UBE2E2: variants seen among roughly 807,000 people sequenced by gnomAD.
UBE2E2 encodes ubiquitin conjugating enzyme E2 E2.
In UBE2E2, 6 loss-of-function variants were observed where a neutral mutation model predicts 24.7. The observed-to-expected ratio is 0.24, with a 90% confidence interval of 0.13 to 0.48. UBE2E2 has a LOEUF of 0.48. UBE2E2 is among the 20% of genes least tolerant of loss of function. UBE2E2 has a pLI of 0.99. For missense variants in UBE2E2, 169 were observed against 245.0 expected (o/e 0.69, Z 2.07); for synonymous variants, 104 against 83.6 (o/e 1.24, Z -1.33).
chr3:23,444,403 C>G (rs1259592434), intron 3 of UBE2E2, among the ~76,000 whole-genome samples: 1 of 152,158 alleles, frequency 6.6e-6, no homozygotes, highest in Admixed American at 6.5e-5. Context: ...ATAGTCAGAT[C>G]TTCAAGTTTA....
intron 3 of UBE2E2, among the ~76,000 whole-genome samples, chr3:23,340,729 G>T (rs1218880501): frequency 1.3e-5 from 2 of 152,120 alleles, no homozygotes; most frequent in African/African-American, 4.8e-5. Context: ...GTCAAAACAG[G>T]GAAGACTGAA....
rs1291730172 is a variant in UBE2E2, at chr3:23,474,479, A to G, written c.228-25129A>G. Among the ~76,000 whole-genome samples the G allele has an allele frequency of 6.6e-6, 1 of 152,140 alleles. No individual in the cohort carries two copies. The highest frequency in any genetic ancestry group is 1.5e-5 in the Non-Finnish European group (1 of 68,044). On this transcript the variant is annotated intron_variant, in intron 3 of 5. Coordinates refer to ENST00000396703, the MANE Select transcript of UBE2E2 (RefSeq NM_152653.4). This position sits in a 1 kb window ranked among gnomAD's most constrained non-coding sequence, Gnocchi z 4.0. ...AAATACACGTTATTGTACATTTCTA[A>G]TAATCTATCACAAAAAAATCATAGA...
At chr3:23,557,329 A>T (rs1371127807) in intron 5 of UBE2E2, among the ~76,000 whole-genome samples, 1 of 152,146 alleles carries the variant, frequency 6.6e-6, no homozygotes, top group Non-Finnish European at 1.5e-5. Context: ...TAGACTAAGC[A>T]CTTCTATTTT....
intron 3 of UBE2E2, among the ~76,000 whole-genome samples, chr3:23,236,773 C>T (rs934255544): frequency 1.3e-5 from 2 of 152,110 alleles, no homozygotes; most frequent in African/African-American, 2.4e-5. Context: ...TTAAACATTT[C>T]CTGTGGATGT....
intron 3 of UBE2E2, among the ~76,000 whole-genome samples, chr3:23,299,800 C>A (rs909942127): frequency 5.3e-5 from 8 of 152,066 alleles, no homozygotes; most frequent in Non-Finnish European, 1.0e-4. Context: ...TCTATTAGGT[C>A]CACTTGGTGC....
chr3:23,429,378 A>C (rs1435033795), intron 3 of UBE2E2, among the ~76,000 whole-genome samples: 2 of 152,200 alleles, frequency 1.3e-5, no homozygotes, highest in African/African-American at 4.8e-5. Context: ...AGGCGTAAAA[A>C]ATTTTAACAA....
intron 3 of UBE2E2, among the ~76,000 whole-genome samples, chr3:23,473,289 A>T (rs1382506878): frequency 1.3e-5 from 2 of 152,118 alleles, no homozygotes; most frequent in African/African-American, 4.8e-5. Context: ...AAAGAACATT[A>T]ATATTTTCTT....
intron 3 of UBE2E2, among the ~76,000 whole-genome samples, chr3:23,352,101 A>G (rs1008550765): frequency 2.0e-5 from 3 of 152,230 alleles, no homozygotes; most frequent in African/African-American, 4.8e-5. Context: ...GTGCAACTAC[A>G]TGGAAACTGA....
chr3:23,380,371 G>A (rs977952723), intron 3 of UBE2E2, among the ~76,000 whole-genome samples: 5 of 152,278 alleles, frequency 3.3e-5, no homozygotes, highest in South Asian at 2.1e-4. Flanking sequence ...GACTACAGGC[G>A]TGTGCCGCTA....
chr3:23,390,203 C>G (rs1222215533), intron 3 of UBE2E2, among the ~76,000 whole-genome samples: 1 of 152,088 alleles, frequency 6.6e-6, no homozygotes, highest in Non-Finnish European at 1.5e-5. Flanking sequence ...AAACCGAGGC[C>G]CTGAATGAGA....
In UBE2E2 at chr3:23,280,818, A is replaced by G. The variant is rs1212433758; in HGVS notation, c.227+63506A>G. ...AATGTTGCCTTCTCTCGTGTTTCAC[A>G]TTCAGAATTTTCTTAGAGAATATCT... On this transcript the variant is annotated intron_variant, in intron 3 of 5. Coordinates refer to ENST00000396703, the MANE Select transcript of UBE2E2 (RefSeq NM_152653.4). This position sits in a 1 kb window ranked among gnomAD's most constrained non-coding sequence, Gnocchi z 4.3. 2.0e-5 allele frequency among the ~76,000 whole-genome samples: 3 copies of G among 152,274 alleles called. No individual in the cohort carries two copies. The highest frequency in any genetic ancestry group is 2.9e-5 in the Non-Finnish European group (2 of 68,032).
At chr3:23,554,981 A>G (rs1390984460) in intron 5 of UBE2E2, among the ~76,000 whole-genome samples, 1 of 149,694 alleles carries the variant, frequency 6.7e-6, no homozygotes, top group African/African-American at 2.5e-5. Flanking sequence ...CAGTGATGTG[A>G]TCTCTGCTCA....
At position 23,337,735 on chromosome 3, in the gene UBE2E2, T is replaced by C. The variant is rs561030487; in HGVS notation, c.227+120423T>C. 2.0e-5 allele frequency among the ~76,000 whole-genome samples: 3 copies of C among 152,232 alleles called. No individual in the cohort carries two copies. In the East Asian group the frequency reaches 5.8e-4, roughly 29 times the overall value. On this transcript the variant is annotated intron_variant, in intron 3 of 5. Transcript: ENST00000396703. ...AAAGAAGAATTCAAAAAGGTTAATA[T>C]AGGTGGAATGTAGAGAATATTGAGT...
intron 3 of UBE2E2, among the ~76,000 whole-genome samples, chr3:23,250,241 T>C (rs187422251): frequency 6.6e-6 from 1 of 152,220 alleles, no homozygotes; most frequent in Non-Finnish European, 1.5e-5. Flanking sequence ...ACCACCTGGC[T>C]CCATTTCCTG....
At chr3:23,236,591 T>A (rs1697119929) in intron 3 of UBE2E2, among the ~76,000 whole-genome samples, 1 of 152,098 alleles carries the variant, frequency 6.6e-6, no homozygotes, top group Non-Finnish European at 1.5e-5. Flanking sequence ...AAGAAGTTAT[T>A]GCTGGTAGCA....
chr3:23,480,291 C>T (rs1271346869), intron 3 of UBE2E2, among the ~76,000 whole-genome samples: 2 of 152,230 alleles, frequency 1.3e-5, no homozygotes, highest in Non-Finnish European at 2.9e-5. Context: ...CCACCCACAA[C>T]TTTGCTCCAC....
intron 5 of UBE2E2, among the ~76,000 whole-genome samples, chr3:23,582,193 C>T (rs1003556012): frequency 2.6e-5 from 4 of 152,154 alleles, no homozygotes; most frequent in African/African-American, 9.7e-5. Flanking sequence ...AAGATGATGG[C>T]CTCCAGCTCT....
At chr3:23,432,602 C>T (rs1698087084) in intron 3 of UBE2E2, among the ~76,000 whole-genome samples, 2 of 152,048 alleles carry the variant, frequency 1.3e-5, no homozygotes, top group East Asian at 1.9e-4. Context: ...CTTACTTTCT[C>T]GTCTCAAGTT....
chr3:23,462,861 G>A (rs980935324), intron 3 of UBE2E2, among the ~76,000 whole-genome samples: 1 of 152,094 alleles, frequency 6.6e-6, no homozygotes, highest in Non-Finnish European at 1.5e-5. Flanking sequence ...GTGGCTTTGG[G>A]CAAGTTAGTT....
Sources: allele counts gnomAD v4.1 joint callset (sites outside exome capture counted in the v4.1 genomes callset), GRCh38; gene constraint gnomAD v4.1.1; non-coding constraint Gnocchi (gnomAD v3.1); transcripts MANE v1.5; gene names NCBI Gene and HGNC (gene_info 2026-07-23, HGNC 2026-07-21).